The following CTNNA2 variants were observed in gnomAD, a reference collection of about 807,000 sequenced individuals.
CTNNA2 encodes catenin alpha-2.
A neutral mutation model predicts 101.0 loss-of-function variants in CTNNA2; 42 were observed. That is an observed-to-expected ratio of 0.42 (90% CI 0.32 to 0.54). CTNNA2 has a LOEUF of 0.54. Ranked by LOEUF, CTNNA2 falls within the 20% of genes least tolerant of loss-of-function variation. The pLI, the probability that CTNNA2 is intolerant of heterozygous loss-of-function variation, is 0.14. For missense variants in CTNNA2, 871 were observed against 1,223.1 expected, an observed-to-expected ratio of 0.71 and a Z score of 4.29; for synonymous variants, 450 against 456.4, an observed-to-expected ratio of 0.99 and a Z score of 0.18.
At chr2:80,136,613 G>A (rs1182087487) in intron 7 of CTNNA2, among the ~76,000 whole-genome samples, 1 of 152,098 alleles carries the variant, frequency 6.6e-6, no homozygotes, top group African/African-American at 2.4e-5. Context: ...TGCTACTGTG[G>A]ACACTTTCAT....
chr2:79,256,202 G>A (rs1674841792), intron 2 of CTNNA2, among the ~76,000 whole-genome samples: 1 of 152,170 alleles, frequency 6.6e-6, no homozygotes. Flanking sequence ...ACCTCCAAAT[G>A]TCTGGGAGCC....
intron 7 of CTNNA2, among the ~76,000 whole-genome samples, chr2:80,242,742 G>T (rs1044135163): frequency 6.6e-6 from 1 of 152,076 alleles, no homozygotes; most frequent in African/African-American, 2.4e-5. Flanking sequence ...TCCAGATAGG[G>T]CAGCTGAACA....
chr2:80,403,978 A>G (rs1010780870), intron 8 of CTNNA2, among the ~76,000 whole-genome samples: 3 of 152,220 alleles, frequency 2.0e-5, no homozygotes, highest in African/African-American at 7.2e-5. Flanking sequence ...GGTAGTGGAT[A>G]AACTTTTTAA....
chr2:79,626,662 C>T (rs1679330814), intron 1 of CTNNA2, among the ~76,000 whole-genome samples: 3 of 144,662 alleles, frequency 2.1e-5, no homozygotes, highest in Non-Finnish European at 4.5e-5. Context: ...TGTGTCGAGT[C>T]CAGAAGACAT....
At chr2:80,271,006 A>G (rs1009254198) in intron 7 of CTNNA2, among the ~76,000 whole-genome samples, 5 of 152,110 alleles carry the variant, frequency 3.3e-5, no homozygotes, top group Admixed American at 3.3e-4. Context: ...TAAGGTCCCC[A>G]CCCCCAAGAA....
intron 7 of CTNNA2, among the ~76,000 whole-genome samples, chr2:80,088,197 A>T (rs1368867581): frequency 2.0e-5 from 3 of 152,018 alleles, no homozygotes; most frequent in Admixed American, 6.6e-5. Context: ...GTTAAGCTAG[A>T]GTTGATAAGT....
chr2:79,510,411 A>G (rs1445277850), upstream of CTNNA2, among the ~76,000 whole-genome samples: 1 of 152,248 alleles, frequency 6.6e-6, no homozygotes, highest in East Asian at 1.9e-4. Flanking sequence ...ATAGCATTTT[A>G]GCATCTAATA....
chr2:80,272,705 T>A (rs1363382120), intron 7 of CTNNA2, among the ~76,000 whole-genome samples: 2 of 152,298 alleles, frequency 1.3e-5, no homozygotes, highest in African/African-American at 4.8e-5. Context: ...TTTCAGATAG[T>A]TGTTTATTAT....
intron 7 of CTNNA2, chr2:80,298,772 G>A (rs1675987665): frequency 6.6e-6 from 1 of 152,162 alleles, no homozygotes; most frequent in African/African-American, 2.4e-5. Context: ...CCTTTTACTG[G>A]AATAACCTTT....
chr2:79,938,886 A>G (rs537556089), intron 7 of CTNNA2, among the ~76,000 whole-genome samples: 1 of 152,290 alleles, frequency 6.6e-6, no homozygotes, highest in South Asian at 2.1e-4. Flanking sequence ...AGAATTGGTC[A>G]AAAACATACT....
At chr2:80,094,339 G>T (rs967940693) in intron 7 of CTNNA2, among the ~76,000 whole-genome samples, 3 of 151,954 alleles carry the variant, frequency 2.0e-5, no homozygotes, top group Non-Finnish European at 4.4e-5. Flanking sequence ...TATTTCTGAG[G>T]GCTCTGTTCT....
At chr2:80,574,081 A>C (rs950608853) in intron 12 of CTNNA2, 82 bp from the exon 13 acceptor site, 1 of 1,450,528 alleles carries the variant, frequency 6.9e-7, no homozygotes, top group South Asian at 1.3e-5. Flanking sequence ...ATGCCCGAGG[A>C]CCTGCCACTT....
chr2:80,632,897 C>A (rs936857039), intron 18 of CTNNA2, among the ~76,000 whole-genome samples: 3 of 152,076 alleles, frequency 2.0e-5, no homozygotes, highest in Non-Finnish European at 4.4e-5. Flanking sequence ...TGTTATTAAC[C>A]CCCTTTTACA....
In CTNNA2 at chr2:80,630,593, C is replaced by T. The variant is rs180825973; in HGVS notation, c.2574+11365C>T. Among the ~76,000 whole-genome samples the T allele has an allele frequency of 3.5e-3, 540 of 152,158 alleles. 5 individuals are homozygous for T. Among genetic ancestry groups the T allele is most frequent in the African/African-American group, 0.012 (504 of 41,510 alleles). ...TGGAGGTTGCAGTGAGCCGAGATTG[C>T]GCCGCTACACTCCAGCCTGGCAACG... On this transcript the variant is annotated intron_variant, in intron 18 of 18. Transcript: ENST00000402739.
chr2:79,217,396 T>C (rs2104213578), intron 2 of CTNNA2, among the ~76,000 whole-genome samples: 1 of 151,924 alleles, frequency 6.6e-6, no homozygotes, highest in South Asian at 2.1e-4. Context: ...GGGGGCTGAG[T>C]CTGAAAAGAG....
chr2:79,583,161 C>T (rs1350663005), intron 1 of CTNNA2, among the ~76,000 whole-genome samples: 7 of 151,512 alleles, frequency 4.6e-5, no homozygotes, highest in Admixed American at 1.3e-4. Flanking sequence ...GCTGTTTTGT[C>T]ATTTGGCTTG....
chr2:79,657,838 AC>A (rs1455324330), intron 2 of CTNNA2, among the ~76,000 whole-genome samples: 2 of 151,844 alleles, frequency 1.3e-5, no homozygotes, highest in Admixed American at 6.6e-5. Context: ...ATCATTAGAT[AC>A]TAAAAAGATA....
intron 4 of CTNNA2, among the ~76,000 whole-genome samples, chr2:79,859,518 A>G (rs1283483536): frequency 6.6e-6 from 1 of 152,166 alleles, no homozygotes; most frequent in Non-Finnish European, 1.5e-5. Context: ...CTGCAGCCTG[A>G]GCTCCGAGGT....
intron 2 of CTNNA2, among the ~76,000 whole-genome samples, chr2:79,718,189 AC>A (rs1686233900): frequency 6.6e-6 from 1 of 152,140 alleles, no homozygotes; most frequent in South Asian, 2.1e-4. Context: ...CCTCTTTGAT[AC>A]GACTTTTATT....
Sources: gnomAD v4.1 joint callset for allele counts (sites outside exome capture counted in the v4.1 genomes callset) on GRCh38, gnomAD v4.1.1 for gene constraint, MANE v1.5 for transcripts, NCBI Gene and HGNC (gene_info 2026-07-23, HGNC 2026-07-21) for gene names.